The following CDKN2B-AS1 variants were observed in gnomAD, a reference collection of about 807,000 sequenced individuals.
The protein encoded by CDKN2B-AS1 is CDKN2B and CDKN2A antisense cis and trans regulatory RNA 1, also known as CDKN2B antisense RNA 1 (non-protein coding).
chr9:22,104,007 G>A (rs1002936091), intron 4 of CDKN2B-AS1, among the ~76,000 whole-genome samples: 3 of 152,110 alleles, frequency 2.0e-5, no homozygotes, highest in Admixed American at 6.5e-5. Flanking sequence ...AAAATAAAAT[G>A]TAGAATCTTC....
chr9:22,059,512 C>T (rs1456674103), intron 4 of CDKN2B-AS1, among the ~76,000 whole-genome samples: 1 of 152,194 alleles, frequency 6.6e-6, no homozygotes, highest in African/African-American at 2.4e-5. Flanking sequence ...TTGCAGGGTA[C>T]AGCCTCCCTC....
chr9:22,113,485 A>G (rs1015571736), intron 4 of CDKN2B-AS1, among the ~76,000 whole-genome samples: 5 of 152,234 alleles, frequency 3.3e-5, no homozygotes, highest in African/African-American at 9.6e-5. Context: ...AACATAGCCA[A>G]TCACATTCGC....
exon 2 of CDKN2B-AS1, chr9:22,046,836 A>G (rs1033084681): frequency 4.6e-5 from 7 of 152,174 alleles, no homozygotes; most frequent in Admixed American, 3.9e-4. Flanking sequence ...GCCACCAGAT[A>G]TATGTTATCT....
chr9:22,073,798 T>C, intron 4 of CDKN2B-AS1, among the ~76,000 whole-genome samples: 1 of 152,176 alleles, frequency 6.6e-6, no homozygotes, highest in East Asian at 1.9e-4. Context: ...TGAGAGTTGG[T>C]TGAAATAAGA....
At chr9:22,045,610 G>A (rs1274647679) in intron 1 of CDKN2B-AS1, among the ~76,000 whole-genome samples, 1 of 152,032 alleles carries the variant, frequency 6.6e-6, no homozygotes, top group Non-Finnish European at 1.5e-5. Flanking sequence ...AGTTGTACTG[G>A]TGGCAGCTGT....
At chr9:22,004,059 A>G (rs960670536) in intron 1 of CDKN2B-AS1, 5 of 232,504 alleles carry the variant, frequency 2.2e-5, no homozygotes, top group Non-Finnish European at 3.4e-5. Context: ...TCTTTGCCTC[A>G]TTGTCCTCAT....
At chr9:22,029,333 T>C (rs1463147091) in intron 1 of CDKN2B-AS1, 1 of 739,114 alleles carries the variant, frequency 1.4e-6, no homozygotes, top group Non-Finnish European at 2.5e-6. Context: ...TCATGTGTGG[T>C]CTGAAGTTTA....
At chr9:22,070,039 C>G (rs894078361) in intron 4 of CDKN2B-AS1, among the ~76,000 whole-genome samples, 4 of 152,130 alleles carry the variant, frequency 2.6e-5, no homozygotes, top group African/African-American at 7.2e-5. Flanking sequence ...GTAAATCTCA[C>G]TCATTTTATG....
intron 4 of CDKN2B-AS1, among the ~76,000 whole-genome samples, chr9:22,113,097 C>G (rs981744705): frequency 6.6e-6 from 1 of 152,224 alleles, no homozygotes; most frequent in African/African-American, 2.4e-5. Flanking sequence ...CATGTATTAT[C>G]TCGCAGTTCC....
chr9:22,120,266 C>G (rs1826064287), intron 4 of CDKN2B-AS1: 1 of 152,198 alleles, frequency 6.6e-6, no homozygotes, highest in African/African-American at 2.4e-5. Flanking sequence ...CAGCTTTCTG[C>G]TACATGGAGG....
In CDKN2B-AS1 at chr9:22,006,121, T is replaced by C; in HGVS notation, n.29+10960T>C. ...CCGGCCCGGTGCAGCACCACCAGCG[T>C]GTCCAGGAAGCCCTCCCGGGCAGCA... On this transcript the variant is annotated intron_variant and non_coding_transcript_variant, in intron 1 of 4. Transcript: ENST00000650946. This position sits in a 1 kb window ranked among gnomAD's most constrained non-coding sequence, Gnocchi z 6.4. 6.2e-7 allele frequency: 1 copy of C among 1,610,898 alleles called. No individual in the cohort carries two copies. Among genetic ancestry groups the C allele is most frequent in the Admixed American group, 1.7e-5 (1 of 60,000 alleles).
intron 4 of CDKN2B-AS1, among the ~76,000 whole-genome samples, chr9:22,126,571 A>ATTTTTTTTTTTTTTTTTTT (rs1818026896): frequency 9.9e-6 from 1 of 100,602 alleles, no homozygotes; most frequent in Non-Finnish European, 1.9e-5. Context: ...GAGTAAGTGG[A>ATTTTTTTTTTTTTTTTTTT]TTCTTTTTTT....
At position 22,094,485 on chromosome 9, in the gene CDKN2B-AS1, A is replaced by G. The variant is rs1334477780; in HGVS notation, n.439-32618A>G. 6.9e-5 allele frequency among the ~76,000 whole-genome samples: 10 copies of G among 144,472 alleles called. 4 individuals carry two copies. Among genetic ancestry groups the G allele is most frequent in the African/African-American group, 2.9e-4 (10 of 34,656 alleles). 94.8% of individuals were successfully genotyped at this position (144,472 alleles called of 152,430 possible). On this transcript the variant is annotated intron_variant and non_coding_transcript_variant, in intron 4 of 4. Transcript: ENST00000650946. ...AGAAGTAGATTTGGTCTTTTCACAT[A>G]GTCCCATATTTCTTGGAGGCTTTGT...
At chr9:22,127,550 G>T (rs1022124172) in exon 5 of CDKN2B-AS1, among the ~76,000 whole-genome samples, 2 of 152,152 alleles carry the variant, frequency 1.3e-5, no homozygotes, top group Admixed American at 1.3e-4. Context: ...GTTTAACAGA[G>T]AAGGATGGTT....
chr9:22,012,518 C>A, intron 1 of CDKN2B-AS1: 1 of 643,882 alleles, frequency 1.6e-6, no homozygotes, highest in South Asian at 1.4e-5. Flanking sequence ...CAACAACCTG[C>A]ACCCCAAGAA....
At chr9:22,088,396 TCTA>T (rs1824938577) in intron 4 of CDKN2B-AS1, among the ~76,000 whole-genome samples, 1 of 151,988 alleles carries the variant, frequency 6.6e-6, no homozygotes, top group Non-Finnish European at 1.5e-5. Context: ...CCATGGTTCT[TCTA>T]CTCAGGAGAA....
intron 1 of CDKN2B-AS1, among the ~76,000 whole-genome samples, chr9:22,035,430 T>G (rs1045957118): frequency 1.3e-5 from 2 of 152,160 alleles, no homozygotes; most frequent in African/African-American, 4.8e-5. Flanking sequence ...ATTTTCCTTG[T>G]TGGGTAATCG....
intron 4 of CDKN2B-AS1, among the ~76,000 whole-genome samples, chr9:22,086,424 T>C (rs1824870554): frequency 6.6e-6 from 1 of 152,010 alleles, no homozygotes; most frequent in African/African-American, 2.4e-5. Context: ...TGGAGAGAAA[T>C]TTACCCGTCA....
At chr9:22,114,232 C>G (rs566322020) in intron 4 of CDKN2B-AS1, among the ~76,000 whole-genome samples, 1 of 152,326 alleles carries the variant, frequency 6.6e-6, no homozygotes, top group South Asian at 2.1e-4. Flanking sequence ...TATACCTGGT[C>G]AAACTTCTCT....
Sources: allele counts gnomAD v4.1 joint callset (sites outside exome capture counted in the v4.1 genomes callset), GRCh38; gene constraint gnomAD v4.1.1; non-coding constraint Gnocchi (gnomAD v3.1); transcripts MANE v1.5; gene names NCBI Gene and HGNC (gene_info 2026-07-23, HGNC 2026-07-21).